PRSS38: variants seen among roughly 807,000 people sequenced by gnomAD.
The protein encoded by PRSS38 is marapsin 2.
In PRSS38, 22 loss-of-function variants were observed where a neutral mutation model predicts 26.8. The observed-to-expected ratio is 0.82, with a 90% CI of 0.59 to 1.17. The LOEUF (loss-of-function observed/expected upper bound fraction) is 1.17, where lower values mean the gene tolerates loss of function less well. Among genes scored for constraint, PRSS38 ranks in the 50% most tolerant of loss-of-function variants. PRSS38 has a pLI of 0.00. For missense variants in PRSS38, 427 were observed against 422.7 expected (o/e 1.01, Z -0.09); for synonymous variants, 175 against 172.1 (o/e 1.02, Z -0.13).
rs949248525 is a variant in PRSS38, at chr1:227,816,834, T to G, written c.312-375T>G. ...CTAAGCACCTGGCCTTCCCGATTGC[T>G]CCTCCAACAGCCCCATTCACCACAG... On this transcript the variant is annotated intron_variant, in intron 2 of 4. Transcript: ENST00000366757. The surrounding 1 kb of genome is among the most constrained non-coding windows in gnomAD (Gnocchi z 5.1). Among the ~76,000 whole-genome samples, 1 of 152,142 alleles carries G rather than the reference T, an allele frequency of 6.6e-6. No homozygotes were observed. The highest frequency in any genetic ancestry group is 1.5e-5 in the Non-Finnish European group (1 of 68,028).
At chr1:227,823,778 C>T (rs139485097) in intron 3 of PRSS38, among the ~76,000 whole-genome samples, 139 of 152,322 alleles carry the variant, frequency 9.1e-4, no homozygotes, top group Non-Finnish European at 1.8e-3. Context: ...CACTATACTT[C>T]TTGTACAGTC....
At chr1:227,815,681 A>G, upstream of PRSS38, 1 of 1,540,572 alleles carries the variant, frequency 6.5e-7, no homozygotes, top group Non-Finnish European at 8.8e-7. Context: ...ACATGTCGGG[A>G]GCTAGTCACC....
At chr1:227,819,497 C>CAT (rs1053558776) in intron 3 of PRSS38, among the ~76,000 whole-genome samples, 7 of 152,074 alleles carry the variant, frequency 4.6e-5, no homozygotes, top group African/African-American at 1.7e-4. Context: ...CAAAATTTTT[C>CAT]ATATCTACAA....
chr1:227,818,518 A>G (rs1229511942), intron 3 of PRSS38, among the ~76,000 whole-genome samples: 1 of 151,962 alleles, frequency 6.6e-6, no homozygotes, highest in Non-Finnish European at 1.5e-5. Context: ...GTCTCTACAA[A>G]AAATGCTGAC....
At chr1:227,834,058 G>C (rs1210770299) in intron 3 of PRSS38, among the ~76,000 whole-genome samples, 2 of 152,170 alleles carry the variant, frequency 1.3e-5, no homozygotes, top group Non-Finnish European at 2.9e-5. Flanking sequence ...GTGTGCATGT[G>C]ATGACAGAGG....
At chr1:227,839,087 A>G (rs1467734899) in intron 3 of PRSS38, among the ~76,000 whole-genome samples, 1 of 152,156 alleles carries the variant, frequency 6.6e-6, no homozygotes, top group Non-Finnish European at 1.5e-5. Context: ...AATGTTTTGC[A>G]TTTTTATGCT....
chr1:227,825,621 T>C (rs1665063447), intron 3 of PRSS38, among the ~76,000 whole-genome samples: 1 of 152,246 alleles, frequency 6.6e-6, no homozygotes, highest in Non-Finnish European at 1.5e-5. Flanking sequence ...CCCAGCACCA[T>C]TTATTAAATA....
At chr1:227,831,494 G>T (rs1435805174) in intron 3 of PRSS38, among the ~76,000 whole-genome samples, 1 of 152,118 alleles carries the variant, frequency 6.6e-6, no homozygotes, top group Non-Finnish European at 1.5e-5. Flanking sequence ...TGCTGTCATT[G>T]GTGTGGAAAT....
chr1:227,829,090 A>C (rs760869796), intron 3 of PRSS38, among the ~76,000 whole-genome samples: 4 of 152,058 alleles, frequency 2.6e-5, no homozygotes, highest in African/African-American at 4.8e-5. Context: ...TTCATTCTCT[A>C]TGGGTGGACC....
At chr1:227,835,567 C>T (rs1287674027) in intron 3 of PRSS38, among the ~76,000 whole-genome samples, 1 of 152,138 alleles carries the variant, frequency 6.6e-6, no homozygotes, top group African/African-American at 2.4e-5. Flanking sequence ...GGAAACAGCC[C>T]ACATGTCCCA....
At chr1:227,843,221 G>A (rs1292944834) in intron 3 of PRSS38, among the ~76,000 whole-genome samples, 1 of 152,162 alleles carries the variant, frequency 6.6e-6, no homozygotes, top group Admixed American at 6.5e-5. Flanking sequence ...CTTGGTTTAC[G>A]ATGCTCCAGT....
At chr1:227,829,000 C>A (rs1228149183) in intron 3 of PRSS38, among the ~76,000 whole-genome samples, 1 of 152,166 alleles carries the variant, frequency 6.6e-6, no homozygotes, top group African/African-American at 2.4e-5. Context: ...AATCACTTCA[C>A]CACTTCCCTT....
At chr1:227,826,110 T>C (rs1665070194) in intron 3 of PRSS38, among the ~76,000 whole-genome samples, 1 of 152,202 alleles carries the variant, frequency 6.6e-6, no homozygotes, top group South Asian at 2.1e-4. Context: ...CCTTGTTAGC[T>C]GTATTCCTAG....
intron 3 of PRSS38, among the ~76,000 whole-genome samples, chr1:227,818,689 A>AAAC (rs1258633252): frequency 1.3e-5 from 2 of 151,822 alleles, no homozygotes; most frequent in African/African-American, 4.8e-5. Flanking sequence ...AAAAAAAAAA[A>AAAC]AAAAAAAAAA....
intron 3 of PRSS38, among the ~76,000 whole-genome samples, chr1:227,835,354 C>G (rs1665223517): frequency 1.3e-5 from 2 of 152,104 alleles, no homozygotes; most frequent in Admixed American, 1.3e-4. Flanking sequence ...ATTGCTTGAG[C>G]CCAGGAGTTT....
chr1:227,822,571 T>G lies in PRSS38; in HGVS notation c.583+5091T>G, dbSNP rs187905182. 7.9e-5 allele frequency among the ~76,000 whole-genome samples: 12 copies of G among 152,362 alleles called. No homozygotes were observed. The East Asian group carries it at 1.5e-3, about 20-fold the overall frequency. On this transcript the variant is annotated intron_variant, in intron 3 of 4. Coordinates refer to ENST00000366757, the Ensembl canonical transcript of PRSS38. ...TTGAAAGCTATAGTAGTCTGTTTAA[T>G]GATTTTCCCAAACTATTTTGCAAAG...
intron 3 of PRSS38, among the ~76,000 whole-genome samples, chr1:227,836,924 C>A (rs149201602): frequency 0.014 from 2,073 of 152,202 alleles, 24 homozygotes; most frequent in Non-Finnish European, 0.02. Flanking sequence ...AAAGCAAATT[C>A]CAGATACTAT....
intron 3 of PRSS38, among the ~76,000 whole-genome samples, chr1:227,843,113 C>T (rs1665363037): frequency 6.6e-6 from 1 of 152,172 alleles, no homozygotes; most frequent in South Asian, 2.1e-4. Flanking sequence ...TTCTATGAGA[C>T]ATGTGTAGCC....
At chr1:227,818,211 C>T (rs1485106885) in intron 3 of PRSS38, among the ~76,000 whole-genome samples, 2 of 152,038 alleles carry the variant, frequency 1.3e-5, no homozygotes, top group Non-Finnish European at 2.9e-5. Flanking sequence ...GCATTTGTGG[C>T]CAGGCCTGGA....
Sources: gnomAD v4.1 joint callset for allele counts (sites outside exome capture counted in the v4.1 genomes callset) on GRCh38, gnomAD v4.1.1 for gene constraint, Gnocchi (gnomAD v3.1) non-coding constraint, MANE v1.5 for transcripts, NCBI Gene and HGNC (gene_info 2026-07-23, HGNC 2026-07-21) for gene names.